PLSCR2: variants seen among roughly 807,000 people sequenced by gnomAD.
PLSCR2 encodes PL scramblase 2.
In PLSCR2, 18 loss-of-function variants were observed where a neutral mutation model predicts 25.3. That is an observed-to-expected ratio of 0.71 (90% confidence interval 0.49 to 1.06). PLSCR2 has a LOEUF of 1.06. Among genes scored for constraint, PLSCR2 ranks in the 50% least tolerant of loss-of-function variants. The pLI is 0.00. For synonymous variants in PLSCR2, 88 were observed against 87.3 expected (o/e 1.01, Z -0.04); for missense variants, 243 against 269.5 (o/e 0.90, Z 0.69).
intron 6 of PLSCR2, among the ~76,000 whole-genome samples, chr3:146,447,067 C>T (rs187577057): frequency 6.6e-6 from 1 of 152,298 alleles, no homozygotes; most frequent in East Asian, 1.9e-4. Context: ...TTATGCCAGT[C>T]CTGAATATCT....
At chr3:146,481,823 CAAATTA>C (rs1198155906) in intron 1 of PLSCR2, among the ~76,000 whole-genome samples, 1 of 152,178 alleles carries the variant, frequency 6.6e-6, no homozygotes. Flanking sequence ...TACCTGACTT[CAAATTA>C]TACTACAAGG....
At chr3:146,420,135 C>A (rs887761591) in intron 2 of PLSCR2, among the ~76,000 whole-genome samples, 7 of 152,042 alleles carry the variant, frequency 4.6e-5, no homozygotes, top group African/African-American at 1.7e-4. Context: ...CAGATTGTTG[C>A]AAGCCTTTGG....
intron 2 of PLSCR2, among the ~76,000 whole-genome samples, chr3:146,425,058 T>C (rs1559982966): frequency 2.0e-5 from 1 of 50,694 alleles, no homozygotes; most frequent in Non-Finnish European, 4.5e-5. Flanking sequence ...AAAAATAAAT[T>C]TGTGTTTGTT....
chr3:146,460,300 G>A, exon 1 of PLSCR2: 1 of 1,044,694 alleles, frequency 9.6e-7, no homozygotes. Context: ...AATAGAGTCG[G>A]CCTAGAGCTT....
intron 1 of PLSCR2, among the ~76,000 whole-genome samples, chr3:146,471,343 C>T (rs1476080931): frequency 6.6e-6 from 1 of 152,170 alleles, no homozygotes; most frequent in Non-Finnish European, 1.5e-5. Context: ...ATGTTTCCTA[C>T]TGTGAATGGC....
downstream of PLSCR2, among the ~76,000 whole-genome samples, chr3:146,431,979 G>C (rs1523333): frequency 0.014 from 2,096 of 151,734 alleles, 44 homozygotes; most frequent in African/African-American, 0.048. Context: ...TCCCATTACT[G>C]ATGATGTTTA....
intron 3 of PLSCR2, among the ~76,000 whole-genome samples, chr3:146,455,735 G>A (rs1188191804): frequency 6.6e-6 from 1 of 152,200 alleles, no homozygotes; most frequent in Non-Finnish European, 1.5e-5. Flanking sequence ...GAGAGACTTT[G>A]CTGCTGAGGG....
At chr3:146,409,616 A>T (rs2038779112) in intron 2 of PLSCR2, among the ~76,000 whole-genome samples, 1 of 152,132 alleles carries the variant, frequency 6.6e-6, no homozygotes, top group African/African-American at 2.4e-5. Flanking sequence ...CCTAACTCCT[A>T]ACTTTGGCCA....
chr3:146,475,299 G>T (rs1392271097), intron 1 of PLSCR2, among the ~76,000 whole-genome samples: 1 of 151,964 alleles, frequency 6.6e-6, no homozygotes, highest in Admixed American at 6.6e-5. Flanking sequence ...CAGTCTTTGA[G>T]GCTGCTGACC....
intron 2 of PLSCR2, among the ~76,000 whole-genome samples, chr3:146,410,184 G>A (rs1009646624): frequency 1.3e-5 from 2 of 152,094 alleles, no homozygotes; most frequent in Non-Finnish European, 2.9e-5. Flanking sequence ...TGTGGGGTAG[G>A]GGGCAGGGGC....
At chr3:146,479,947 C>G (rs1329237094) in intron 1 of PLSCR2, among the ~76,000 whole-genome samples, 1 of 152,176 alleles carries the variant, frequency 6.6e-6, no homozygotes, top group African/African-American at 2.4e-5. Flanking sequence ...CAAAACCACA[C>G]AACTACATGG....
At chr3:146,408,137 T>A (rs939014578) in intron 2 of PLSCR2, among the ~76,000 whole-genome samples, 3 of 152,198 alleles carry the variant, frequency 2.0e-5, no homozygotes, top group Non-Finnish European at 4.4e-5. Flanking sequence ...AGTCAACTTA[T>A]CAGCCTCTTG....
Position 146,449,925 on chromosome 3 carries a change from G to A in PLSCR2, c.484-558C>T, listed in dbSNP as rs72986616. 7.6e-3 allele frequency among the ~76,000 whole-genome samples: 1,154 copies of A among 152,286 alleles called. 11 individuals carry two copies. The highest frequency in any genetic ancestry group is 0.027 in the African/African-American group (1,110 of 41,548). ...AAAAGCAACCAGTAAGTAACTTGATGGGATGCCTCAAGTCAAGGGTGTGGG... is the reference window on the plus strand; with the variant it reads ...AAAAGCAACCAGTAAGTAACTTGATAGGATGCCTCAAGTCAAGGGTGTGGG... On this transcript the variant is annotated intron_variant, in intron 5 of 6. Coordinates refer to ENST00000610787, the Ensembl canonical transcript of PLSCR2.
intron 2 of PLSCR2, among the ~76,000 whole-genome samples, chr3:146,405,574 T>C (rs1018752356): frequency 4.6e-5 from 7 of 152,202 alleles, no homozygotes; most frequent in Non-Finnish European, 1.0e-4. Context: ...TCCCCACTGG[T>C]GTTTTTGGGG....
At chr3:146,483,487 A>ACATG (rs2043227161) in intron 1 of PLSCR2, among the ~76,000 whole-genome samples, 1 of 101,358 alleles carries the variant, frequency 9.9e-6, no homozygotes, top group African/African-American at 4.1e-5. Context: ...GTGTATATAT[A>ACATG]TATATATATA....
chr3:146,405,808 G>C (rs2038644126), intron 2 of PLSCR2, among the ~76,000 whole-genome samples: 1 of 152,128 alleles, frequency 6.6e-6, no homozygotes, highest in Admixed American at 6.6e-5. Context: ...ACCAGGGGAT[G>C]TTATTTTCTT....
chr3:146,484,154 A>C (rs1257187840), intron 1 of PLSCR2, among the ~76,000 whole-genome samples: 3 of 151,474 alleles, frequency 2.0e-5, no homozygotes, highest in African/African-American at 7.3e-5. Context: ...ACACAAGTAA[A>C]ATAGCCAAAT....
At chr3:146,442,823 A>G (rs2040332524) in intron 6 of PLSCR2, among the ~76,000 whole-genome samples, 1 of 152,066 alleles carries the variant, frequency 6.6e-6, no homozygotes, top group Non-Finnish European at 1.5e-5. Flanking sequence ...TGGATTAAAG[A>G]CTTAAATGTA....
At chr3:146,478,119 G>A (rs904235168) in intron 1 of PLSCR2, among the ~76,000 whole-genome samples, 1 of 152,062 alleles carries the variant, frequency 6.6e-6, no homozygotes, top group African/African-American at 2.4e-5. Context: ...CAACATCAAA[G>A]ACCAACGCAA....
Sources: allele counts gnomAD v4.1 joint callset (sites outside exome capture counted in the v4.1 genomes callset), GRCh38; gene constraint gnomAD v4.1.1; transcripts MANE v1.5; gene names NCBI Gene and HGNC (gene_info 2026-07-23, HGNC 2026-07-21).